IFNAR2: variants seen among roughly 807,000 people sequenced by gnomAD.
IFNAR2 encodes the protein interferon alpha and beta receptor subunit 2, also known as interferon alpha/beta receptor 2.
A neutral mutation model predicts 49.4 loss-of-function variants in IFNAR2; 30 were observed. The observed-to-expected ratio is 0.61, with a 90% confidence interval of 0.45 to 0.82. IFNAR2 has a LOEUF of 0.82. Ranked by LOEUF, IFNAR2 falls within the 40% of genes least tolerant of loss-of-function variation. The probability of loss-of-function intolerance (pLI) is 0.00; values close to 1 mark genes in which losing one functional copy is unlikely to be tolerated. For missense variants in IFNAR2, 600 were observed against 622.7 expected, an observed-to-expected ratio of 0.96 and a Z score of 0.39; for synonymous variants, 224 against 234.5, an observed-to-expected ratio of 0.96 and a Z score of 0.41.
chr21:33,252,035 A>T (rs1418812504), intron 6 of IFNAR2: 1 of 318,312 alleles, frequency 3.1e-6, no homozygotes, highest in Non-Finnish European at 6.7e-6. Flanking sequence ...GTGAGCCAAG[A>T]TCATGCCACT....
chr21:33,255,263 C>G (rs536761890), intron 7 of IFNAR2, among the ~76,000 whole-genome samples: 46 of 152,254 alleles, frequency 3.0e-4, no homozygotes, highest in Non-Finnish European at 4.0e-4. Flanking sequence ...TCCAATGATT[C>G]CATTCATTTC....
rs139251765 is a variant in IFNAR2, at chr21:33,234,256, C to G, written c.-84+4040C>G. Reference sequence around the variant, plus strand: ...ATAGAAAGATCTGTGGGATTATGTTCGCCTAATATTAATGATAGTAATAGT... The same window carrying G: ...ATAGAAAGATCTGTGGGATTATGTTGGCCTAATATTAATGATAGTAATAGT... On this transcript the variant is annotated intron_variant, in intron 1 of 8. Coordinates refer to ENST00000342136, the MANE Select transcript of IFNAR2 (RefSeq NM_001289125.3). 5.1e-3 allele frequency among the ~76,000 whole-genome samples: 749 copies of G among 146,204 alleles called. 5 individuals carry two copies. Among genetic ancestry groups the G allele is most frequent in the African/African-American group, 0.018 (716 of 39,212 alleles).
intron 1 of IFNAR2, among the ~76,000 whole-genome samples, chr21:33,231,199 C>G (rs1294170869): frequency 2.6e-5 from 4 of 152,124 alleles, no homozygotes; most frequent in East Asian, 1.9e-4. Context: ...CCACCCACCC[C>G]CTATCCACCT....
At chr21:33,256,468 A>G (rs774353917) in intron 7 of IFNAR2, among the ~76,000 whole-genome samples, 3 of 152,144 alleles carry the variant, frequency 2.0e-5, no homozygotes, top group Non-Finnish European at 2.9e-5. Context: ...AAACTCAGAA[A>G]CCAGACAGGT....
Position 33,252,700 on chromosome 21 carries a change from C to T in IFNAR2, c.579C>T (p.Phe193=). 6.2e-7 allele frequency: 1 copy of T among 1,613,742 alleles called. No individual in the cohort carries two copies. Among genetic ancestry groups the T allele is most frequent in the Non-Finnish European group, 8.5e-7 (1 of 1,179,838 alleles). ...TAAAAGGAAACATGAGTGGAAATTTCACCTATATCATTGACAAGTTAATTC... is the reference window on the plus strand; with the variant it reads ...TAAAAGGAAACATGAGTGGAAATTTTACCTATATCATTGACAAGTTAATTC... The part of the protein sequence containing the change: ...PEIKGNMSGN[F]TYIIDKLIPN... Residue 193 remains phenylalanine, a synonymous_variant, in exon 7 of 9, where the codon TTC becomes TTT. Transcript: ENST00000342136.
chr21:33,242,591 G>A (rs866335572), intron 2 of IFNAR2, among the ~76,000 whole-genome samples: 6 of 151,442 alleles, frequency 4.0e-5, no homozygotes, highest in Middle Eastern at 3.4e-3. Flanking sequence ...AAATTAGGCG[G>A]GCGTGGTGGC....
intron 6 of IFNAR2, chr21:33,252,409 A>G (rs765180609): frequency 6.3e-5 from 60 of 957,664 alleles, no homozygotes; most frequent in Non-Finnish European, 7.5e-5. Flanking sequence ...CTTTTATCTC[A>G]TTTGTAAAAT....
At chr21:33,260,547 A>G (rs771947219) in intron 7 of IFNAR2, 50 bp from the exon 8 acceptor site, 16 of 1,545,190 alleles carry the variant, frequency 1.0e-5, no homozygotes, top group Admixed American at 6.4e-5. Context: ...TCCATCTGCA[A>G]TTGTTTATTG....
intron 6 of IFNAR2, among the ~76,000 whole-genome samples, chr21:33,249,133 C>T (rs1987658982): frequency 6.6e-6 from 1 of 152,130 alleles, no homozygotes; most frequent in Admixed American, 6.5e-5. Context: ...CATCTAAGGT[C>T]AGGAGTTTGA....
In IFNAR2 at chr21:33,262,460, A is replaced by G. The variant is rs1988667900; in HGVS notation, c.841-333A>G. On this transcript the variant is annotated intron_variant, in intron 8 of 8. Coordinates refer to ENST00000342136, the MANE Select transcript of IFNAR2 (RefSeq NM_001289125.3). ...TAAAGCACCAAGAGTCATGCCCAGC[A>G]TATAGTAAGCATGGTGTAACTGTTA... 9.6e-6 allele frequency: 6 copies of G among 626,656 alleles called. No individual in the cohort carries two copies. The East Asian group carries it at 1.6e-4, about 17-fold the overall frequency. The allele number at this position is 626,656 out of a possible 1,614,324, so 38.8% of individuals were successfully genotyped here. A position where few individuals can be genotyped will look rare whatever the true frequency, so the allele number is the denominator to read the frequency against.
chr21:33,251,476 C>G, intron 6 of IFNAR2: 1 of 829,044 alleles, frequency 1.2e-6, no homozygotes, highest in Non-Finnish European at 1.5e-6. Flanking sequence ...GAAGAGAGCT[C>G]ATTCTTCCAA....
intron 1 of IFNAR2, chr21:33,232,863 C>T (rs1261219780): frequency 2.9e-6 from 1 of 341,046 alleles, no homozygotes; most frequent in East Asian, 1.7e-4. Context: ...CGAGGTTTCA[C>T]TCTGCCATAT....
intron 4 of IFNAR2, among the ~76,000 whole-genome samples, chr21:33,245,351 A>G (rs1317721264): frequency 6.6e-6 from 1 of 152,252 alleles, no homozygotes; most frequent in African/African-American, 2.4e-5. Context: ...CCTCACATAC[A>G]AAATAATTCT....
At chr21:33,253,931 T>A (rs1172409314) in intron 7 of IFNAR2, among the ~76,000 whole-genome samples, 1 of 152,104 alleles carries the variant, frequency 6.6e-6, no homozygotes, top group East Asian at 1.9e-4. Context: ...CCCTATCTCA[T>A]CCTGTAAGTT....
At chr21:33,261,421 T>C (rs16990416) in intron 8 of IFNAR2, among the ~76,000 whole-genome samples, 5,987 of 152,312 alleles carry the variant, frequency 0.039, 138 homozygotes, top group Middle Eastern at 0.075. Flanking sequence ...CATACCATTT[T>C]TCATTTAACC....
At chr21:33,254,688 A>C (rs1251443622) in intron 7 of IFNAR2, among the ~76,000 whole-genome samples, 1 of 152,118 alleles carries the variant, frequency 6.6e-6, no homozygotes, top group Non-Finnish European at 1.5e-5. Context: ...TTAATCAGAA[A>C]ATCTTTGAAT....
At chr21:33,244,920 A>C in intron 3 of IFNAR2, 31 bp from the exon 4 acceptor site, 1 of 1,611,778 alleles carries the variant, frequency 6.2e-7, no homozygotes, top group African/African-American at 1.3e-5. Context: ...TGGGTTCCAA[A>C]TTTCAATGCC....
At chr21:33,231,705 C>A in intron 1 of IFNAR2, 1 of 983,672 alleles carries the variant, frequency 1.0e-6, no homozygotes, top group South Asian at 4.7e-5. Flanking sequence ...TATCATCTTC[C>A]GTTATCAATC....
intron 7 of IFNAR2, among the ~76,000 whole-genome samples, chr21:33,259,846 A>G (rs1568894738): frequency 6.6e-6 from 1 of 152,100 alleles, no homozygotes; most frequent in Non-Finnish European, 1.5e-5. Context: ...CTTTCTATTC[A>G]TTCCTTAACC....
Sources: allele counts gnomAD v4.1 joint callset (sites outside exome capture counted in the v4.1 genomes callset), GRCh38; gene constraint gnomAD v4.1.1; transcripts MANE v1.5; gene names NCBI Gene and HGNC (gene_info 2026-07-23, HGNC 2026-07-21).